FGD4: variants seen among roughly 807,000 people sequenced by gnomAD.
FGD4 encodes FYVE, RhoGEF and PH domain-containing protein 4.
In FGD4, 42 loss-of-function variants were observed where a neutral mutation model predicts 102.0. That is an observed-to-expected ratio of 0.41 (90% CI 0.32 to 0.53). The LOEUF is 0.53. Among genes scored for constraint, FGD4 ranks in the 20% least tolerant of loss-of-function variants. The pLI is 0.21. For missense variants in FGD4, 902 were observed against 1,078.2 expected (o/e 0.84, Z 2.29); for synonymous variants, 380 against 375.7 (o/e 1.01, Z -0.13).
At chr12:32,629,394 C>T (rs1198217905) in intron 14 of FGD4, among the ~76,000 whole-genome samples, 1 of 152,122 alleles carries the variant, frequency 6.6e-6, no homozygotes, top group Admixed American at 6.5e-5. Context: ...TATGATGTAC[C>T]AGTGCCAGGC....
At position 32,486,275 on chromosome 12, in the gene FGD4, T is replaced by G. The variant is rs1028779360; in HGVS notation, c.167-77862T>G. 6.1e-5 allele frequency: 56 copies of G among 915,108 alleles called. No individual in the cohort carries two copies. In the East Asian group the frequency reaches 1.7e-3, roughly 27 times the overall value. 56.7% of individuals were successfully genotyped at this position (915,108 alleles called of 1,614,324 possible). ...TTGTTTACTGTTAAGTGATAATAAT[T>G]TGTACCACGATGGAAAAATTATCGT... is the stretch of plus-strand genomic sequence containing the variant. On this transcript the variant is annotated intron_variant, in intron 1 of 16. Coordinates refer to ENST00000534526, the MANE Select transcript of FGD4 (RefSeq NM_001370298.3).
intron 1 of FGD4, among the ~76,000 whole-genome samples, chr12:32,503,744 T>TAATA (rs1045883693): frequency 2.6e-5 from 4 of 152,230 alleles, no homozygotes; most frequent in Admixed American, 2.6e-4. Context: ...CAAGCCAATG[T>TAATA]AATAGTATTG....
intron 10 of FGD4, among the ~76,000 whole-genome samples, chr12:32,618,586 C>T (rs559709025): frequency 6.6e-6 from 1 of 152,088 alleles, no homozygotes; most frequent in Non-Finnish European, 1.5e-5. Flanking sequence ...AATCCCAGCA[C>T]TTCGGGAGGC....
intron 2 of FGD4, among the ~76,000 whole-genome samples, chr12:32,572,423 G>C (rs1035793742): frequency 6.6e-6 from 1 of 152,100 alleles, no homozygotes; most frequent in Non-Finnish European, 1.5e-5. Context: ...ATCTGGAAAT[G>C]ATTTTGCTAG....
At chr12:32,620,634 C>T (rs1260245982) in intron 11 of FGD4, among the ~76,000 whole-genome samples, 1 of 142,734 alleles carries the variant, frequency 7.0e-6, no homozygotes, top group Non-Finnish European at 1.5e-5. Flanking sequence ...TCAAGCTATT[C>T]TCCTGGCTCA....
intron 1 of FGD4, among the ~76,000 whole-genome samples, chr12:32,554,414 G>C (rs1247889258): frequency 6.6e-6 from 1 of 152,120 alleles, no homozygotes; most frequent in Non-Finnish European, 1.5e-5. Flanking sequence ...TTATGAAATA[G>C]AAACTAAGAA....
At chr12:32,575,241 A>G (rs1946030548) in intron 2 of FGD4, among the ~76,000 whole-genome samples, 1 of 152,182 alleles carries the variant, frequency 6.6e-6, no homozygotes, top group Non-Finnish European at 1.5e-5. Flanking sequence ...ATTTATGAAG[A>G]GGCTTATTGG....
intron 1 of FGD4, among the ~76,000 whole-genome samples, chr12:32,466,750 C>T (rs1017304689): frequency 6.6e-6 from 1 of 151,610 alleles, no homozygotes; most frequent in Non-Finnish European, 1.5e-5. Context: ...TGCTTGTAAT[C>T]CCAGATACTC....
At chr12:32,522,505 T>TAA (rs1257960558) in intron 1 of FGD4, among the ~76,000 whole-genome samples, 2 of 152,186 alleles carry the variant, frequency 1.3e-5, no homozygotes, top group Non-Finnish European at 2.9e-5. Flanking sequence ...AAGCCTTCCT[T>TAA]CTTCTCTCTC....
At chr12:32,594,063 A>G (rs918517862) in intron 4 of FGD4, among the ~76,000 whole-genome samples, 4 of 152,228 alleles carry the variant, frequency 2.6e-5, no homozygotes, top group African/African-American at 4.8e-5. Flanking sequence ...ATGATGAAAT[A>G]TTCCATATCT....
At chr12:32,558,363 T>C (rs1422016792) in intron 1 of FGD4, among the ~76,000 whole-genome samples, 1 of 152,200 alleles carries the variant, frequency 6.6e-6, no homozygotes, top group African/African-American at 2.4e-5. Context: ...CAAGAGATGC[T>C]TGTCCCAAAG....
intron 1 of FGD4, among the ~76,000 whole-genome samples, chr12:32,469,544 G>C (rs965666944): frequency 1.3e-5 from 2 of 152,124 alleles, no homozygotes; most frequent in African/African-American, 4.8e-5. Flanking sequence ...GCCTCCCAAA[G>C]TGCTGGGATT....
At chr12:32,585,251 T>TAC (rs1946928762) in intron 4 of FGD4, among the ~76,000 whole-genome samples, 1 of 137,538 alleles carries the variant, frequency 7.3e-6, no homozygotes. Context: ...TATATATATA[T>TAC]ATATATGTAT....
intron 1 of FGD4, among the ~76,000 whole-genome samples, chr12:32,541,987 TAAACATC>T (rs1942874346): frequency 6.6e-6 from 1 of 152,102 alleles, no homozygotes; most frequent in African/African-American, 2.4e-5. Context: ...ACTTCCCAGA[TAAACATC>T]ACCTTGCGTT....
intron 3 of FGD4, among the ~76,000 whole-genome samples, chr12:32,580,249 C>A (rs1348886390): frequency 6.6e-6 from 1 of 151,998 alleles, no homozygotes; most frequent in Non-Finnish European, 1.5e-5. Context: ...CTATGGGATC[C>A]CTGTCTTTGG....
rs149337730 is a variant in FGD4, at chr12:32,599,957, A to G, written c.1102-1321A>G. The stretch of plus-strand genomic sequence containing the variant: ...GCTGCCATGTTAGAGTGTTACTTAT[A>G]AGAATTGTCCCACTTCTGCCATTGG... On this transcript the variant is annotated intron_variant, in intron 5 of 16. Coordinates refer to ENST00000534526, the MANE Select transcript of FGD4 (RefSeq NM_001370298.3). Among the ~76,000 whole-genome samples the G allele has an allele frequency of 3.3e-5, 5 of 152,290 alleles. No homozygotes were observed. The East Asian group carries it at 9.7e-4, about 29-fold the overall frequency.
rs1565904586 is a variant in FGD4 at position 32,611,204 on chromosome 12, C to T, written c.1670C>T (p.Ser557Leu). The T allele has an allele frequency of 6.2e-7, 1 of 1,614,140 alleles. No individual in the cohort carries two copies. The highest frequency in any genetic ancestry group is 1.7e-5 in the Admixed American group (1 of 60,008). ...GAAGAAGAAGACATTGTAAACCCTTCAAATGAACTAATAAAAGAAGGACAG... is the reference window on the plus strand; with the variant it reads ...GAAGAAGAAGACATTGTAAACCCTTTAAATGAACTAATAAAAGAAGGACAG... ...LGEEEDIVNP[S>L]NELIKEGQIL... The change falls in exon 10 of 17, where the codon TCA becomes TTA. Residue 557 changes from serine to leucine, a missense_variant. This residue lies in a region of FGD4 where 459 missense variants were observed against 619.0 expected (regional missense o/e 0.74). Coordinates refer to ENST00000534526, the MANE Select transcript of FGD4 (RefSeq NM_001370298.3).
intron 1 of FGD4, among the ~76,000 whole-genome samples, chr12:32,549,311 T>TC (rs999249580): frequency 2.0e-5 from 3 of 152,296 alleles, no homozygotes; most frequent in South Asian, 2.1e-4. Flanking sequence ...GGAAAAGTTG[T>TC]CCCAGGGCCT....
At chr12:32,411,772 C>T (rs1362389559) in intron 1 of FGD4, among the ~76,000 whole-genome samples, 3 of 151,476 alleles carry the variant, frequency 2.0e-5, no homozygotes, top group African/African-American at 7.3e-5. Flanking sequence ...GTCAGGAGTT[C>T]TAGACCAGCC....
Sources: gnomAD v4.1 joint callset for allele counts (sites outside exome capture counted in the v4.1 genomes callset) on GRCh38, gnomAD v4.1.1 for gene constraint, gnomAD v4.1.1 regional missense constraint, MANE v1.5 for transcripts, NCBI Gene and HGNC (gene_info 2026-07-23, HGNC 2026-07-21) for gene names.